Variants in CLNK observed in about 807,000 individuals in gnomAD.
CLNK encodes the protein cytokine-dependent hematopoietic cell linker.
In CLNK, 74 loss-of-function variants were observed where a neutral mutation model predicts 68.6. That is an observed-to-expected ratio of 1.08 (90% confidence interval 0.89 to 1.31). The LOEUF is 1.31. Ranked by LOEUF, CLNK falls within the 50% of genes most tolerant of loss-of-function variation. The pLI, the probability that CLNK is intolerant of heterozygous loss-of-function variation, is 0.00. For missense variants in CLNK, 553 were observed against 515.3 expected (o/e 1.07, Z -0.71); for synonymous variants, 198 against 172.2 (o/e 1.15, Z -1.17).
At chr4:10,538,943 G>A (rs1332304718) in intron 11 of CLNK, among the ~76,000 whole-genome samples, 1 of 152,202 alleles carries the variant, frequency 6.6e-6, no homozygotes, top group East Asian at 1.9e-4. Context: ...TGCAATAATT[G>A]TTGGTTAAAA....
At chr4:10,657,338 A>G (rs1193545160) in intron 2 of CLNK, among the ~76,000 whole-genome samples, 2 of 152,260 alleles carry the variant, frequency 1.3e-5, no homozygotes, top group Admixed American at 1.3e-4. Flanking sequence ...AGTTGTGAAC[A>G]TGAAAGGAGG....
intron 5 of CLNK, among the ~76,000 whole-genome samples, chr4:10,569,965 G>C (rs1393717351): frequency 1.3e-5 from 2 of 152,140 alleles, no homozygotes. Context: ...GTAGAGCCCA[G>C]TACCCAGGAC....
chr4:10,598,139 C>T, intron 2 of CLNK, 90 bp from the exon 3 acceptor site: 1 of 834,198 alleles, frequency 1.2e-6, no homozygotes, highest in East Asian at 2.7e-5. Context: ...GAAAGAGCCA[C>T]CCAGTCAGAT....
intron 2 of CLNK, among the ~76,000 whole-genome samples, chr4:10,640,855 T>C (rs531749929): frequency 6.6e-6 from 1 of 152,330 alleles, no homozygotes; most frequent in South Asian, 2.1e-4. Flanking sequence ...GAAAAGCAGA[T>C]GCTGGAAGCC....
chr4:10,579,153 G>A (rs185716758), intron 4 of CLNK, among the ~76,000 whole-genome samples: 23 of 152,272 alleles, frequency 1.5e-4, no homozygotes, highest in South Asian at 1.4e-3. Context: ...GAAAGAGGGC[G>A]TCAAGCTGAT....
chr4:10,506,325 T>C (rs1402651097), intron 17 of CLNK, among the ~76,000 whole-genome samples: 1 of 152,142 alleles, frequency 6.6e-6, no homozygotes, highest in Non-Finnish European at 1.5e-5. Context: ...TCTGAGAGGA[T>C]GTATTAAGAG....
the CLNK span, among the ~76,000 whole-genome samples, chr4:10,710,015 C>T: frequency 1.8e-3 from 271 of 152,302 alleles, no homozygotes; most frequent in African/African-American, 5.9e-3. Context: ...TGTTTCAAGT[C>T]TTTGATATGG....
the CLNK span, among the ~76,000 whole-genome samples, chr4:10,729,117 A>T: frequency 2.6e-5 from 4 of 152,124 alleles, no homozygotes; most frequent in Non-Finnish European, 5.9e-5. Flanking sequence ...TCTTTGGATC[A>T]TTGCTAAGTG....
At position 10,653,946 on chromosome 4, in the gene CLNK, T is replaced by C. The variant is rs138843114; in HGVS notation, c.11+13913A>G. 1.9e-3 allele frequency among the ~76,000 whole-genome samples: 290 copies of C among 152,314 alleles called. 2 individuals are homozygous for C. Among genetic ancestry groups the C allele is most frequent in the African/African-American group, 6.5e-3 (269 of 41,572 alleles). On this transcript the variant is annotated intron_variant, in intron 2 of 18. Transcript: ENST00000226951. ...AATAGTAAAACTGACTATCTTTCTA[T>C]AACCATCAATGATATTGAACCAATA... is the stretch of plus-strand genomic sequence containing the variant.
At chr4:10,621,555 T>A (rs1359060610) in intron 2 of CLNK, among the ~76,000 whole-genome samples, 2 of 152,190 alleles carry the variant, frequency 1.3e-5, no homozygotes, top group Non-Finnish European at 2.9e-5. Flanking sequence ...CCAGTTAAGA[T>A]CCACAAATGC....
At chr4:10,644,502 G>T (rs1005399220) in intron 2 of CLNK, among the ~76,000 whole-genome samples, 1 of 152,104 alleles carries the variant, frequency 6.6e-6, no homozygotes, top group East Asian at 1.9e-4. Flanking sequence ...TTCTTTCCCA[G>T]CTAGTAGAAG....
intron 3 of CLNK, among the ~76,000 whole-genome samples, chr4:10,592,831 T>C (rs1412849028): frequency 6.6e-6 from 1 of 151,892 alleles, no homozygotes; most frequent in Non-Finnish European, 1.5e-5. Flanking sequence ...GTTCAAGAGA[T>C]TTTCCTGCCT....
At chr4:10,638,098 C>T (rs142174017) in intron 2 of CLNK, among the ~76,000 whole-genome samples, 125 of 152,264 alleles carry the variant, frequency 8.2e-4, no homozygotes, top group African/African-American at 2.5e-3. Context: ...AATGTAGCCC[C>T]GAACTGTACC....
At chr4:10,728,158 C>G in the CLNK span, among the ~76,000 whole-genome samples, 1 of 152,132 alleles carries the variant, frequency 6.6e-6, no homozygotes, top group African/African-American at 2.4e-5. Context: ...CGAGGGGCAG[C>G]CCAGGGCAGC....
chr4:10,691,746 A>G, the CLNK span, among the ~76,000 whole-genome samples: 121,231 of 152,138 alleles, frequency 0.8, 48,800 homozygotes, highest in Admixed American at 0.86. Flanking sequence ...AATTGGCAGG[A>G]CAAAGGGCCC....
intron 8 of CLNK, among the ~76,000 whole-genome samples, chr4:10,551,183 A>G (rs1719435866): frequency 6.6e-6 from 1 of 152,162 alleles, no homozygotes; most frequent in South Asian, 2.1e-4. Flanking sequence ...GAGGATAAGG[A>G]GGACTTCTGT....
the CLNK span, among the ~76,000 whole-genome samples, chr4:10,725,834 A>G: frequency 6.6e-6 from 1 of 150,964 alleles, no homozygotes; most frequent in Non-Finnish European, 1.5e-5. Context: ...AGCCTGGGCG[A>G]CAGAGGGAGA....
intron 4 of CLNK, 134 bp from the exon 5 acceptor site, chr4:10,571,912 A>AACT: frequency 1.5e-6 from 1 of 669,162 alleles, no homozygotes; most frequent in Non-Finnish European, 2.6e-6. Context: ...GATTTTTCAA[A>AACT]ACTAAAGTGC....
chr4:10,575,649 C>A (rs1030421733), intron 4 of CLNK, among the ~76,000 whole-genome samples: 1 of 152,206 alleles, frequency 6.6e-6, no homozygotes, highest in Non-Finnish European at 1.5e-5. Flanking sequence ...AGCCCTGGGG[C>A]GTTGGCTGTG....
Sources: gnomAD v4.1 joint callset for allele counts (sites outside exome capture counted in the v4.1 genomes callset) on GRCh38, gnomAD v4.1.1 for gene constraint, MANE v1.5 for transcripts, NCBI Gene and HGNC (gene_info 2026-07-23, HGNC 2026-07-21) for gene names.